Variants in ITGB2 observed in about 807,000 individuals in gnomAD.
ITGB2 encodes integrin subunit beta 2, also known as integrin beta-2.
In ITGB2, 56 loss-of-function variants were observed where a neutral mutation model predicts 86.8. The observed-to-expected ratio is 0.65, with a 90% confidence interval of 0.52 to 0.81. The LOEUF (loss-of-function observed/expected upper bound fraction) is 0.81. Among genes scored for constraint, ITGB2 ranks in the 30% least tolerant of loss-of-function variants. ITGB2 has a pLI of 0.00. For synonymous variants in ITGB2, 457 were observed against 450.4 expected, an observed-to-expected ratio of 1.01 and a Z score of -0.19; for missense variants, 948 against 1,061.2, an observed-to-expected ratio of 0.89 and a Z score of 1.48.
At position 44,888,751 on chromosome 21, in the gene ITGB2, G is replaced by T; in HGVS notation, c.2022C>A (p.Tyr674Ter). 1.2e-6 allele frequency: 2 copies of T among 1,611,840 alleles called. No homozygotes were observed. The highest frequency in any genetic ancestry group is 8.5e-7 in the Non-Finnish European group (1 of 1,179,980). ...CCATCCCGTCCTGCTGCTCCAGCGT[G>T]TAGGCCACCCAGCAGCCCTCTGAGT... ...ERDSEGCWVAYTLEQQDGMDR... is the reference protein window; with the variant it reads ...ERDSEGCWVA Residue 674 changes from tyrosine (Y) to a stop codon, truncating the protein, a stop_gained, in exon 14 of 16, where the codon TAC becomes TAA. Coordinates refer to ENST00000652462, the MANE Select transcript of ITGB2 (RefSeq NM_000211.5). LOFTEE classifies it high-confidence loss of function.
chr21:44,924,219 T>C (rs71322597), upstream of ITGB2, among the ~76,000 whole-genome samples: 1,354 of 151,744 alleles, frequency 8.9e-3, 9 homozygotes, highest in Non-Finnish European at 0.014. Context: ...CACCTGAGGT[T>C]AGGAGTTCAA....
At chr21:44,893,351 G>A in intron 10 of ITGB2, 53 bp downstream of exon 10, 2 of 1,604,034 alleles carry the variant, frequency 1.2e-6, no homozygotes, top group East Asian at 2.2e-5. Flanking sequence ...CCTTCTGGCT[G>A]TCCCCAGAGC....
intron 12 of ITGB2, 124 bp from the exon 13 acceptor site, chr21:44,889,619 C>G (rs1475769530): frequency 4.1e-6 from 4 of 981,662 alleles, no homozygotes; most frequent in Admixed American, 4.0e-5. Context: ...TGTTCCTGAG[C>G]AAAAGGCATG....
rs919569216 is a variant in ITGB2 at position 44,908,269 on chromosome 21, C to T, written c.148-1174G>A. 8.6e-6 allele frequency: 5 copies of T among 582,390 alleles called. No individual in the cohort carries two copies. In the African/African-American group the frequency reaches 9.3e-5, roughly 11 times the overall value. 36.1% of individuals were successfully genotyped at this position (582,390 alleles called of 1,614,324 possible). A position where few individuals can be genotyped will look rare whatever the true frequency, so the allele number is the denominator to read the frequency against. ...CTCCTGCTGCCCTCCCCTTCTTCTC[C>T]ACCCCCTCCCCTTCTCTAGTTTATA... On this transcript the variant is annotated intron_variant, in intron 3 of 15. Transcript: ENST00000652462.
intron 8 of ITGB2, among the ~76,000 whole-genome samples, chr21:44,898,807 T>A (rs1037062414): frequency 6.6e-6 from 1 of 152,192 alleles, no homozygotes; most frequent in Admixed American, 6.5e-5. Context: ...AACAGAAATA[T>A]CACCAATGCC....
At chr21:44,915,058 G>T (rs975932728) in intron 1 of ITGB2, among the ~76,000 whole-genome samples, 1 of 152,128 alleles carries the variant, frequency 6.6e-6, no homozygotes, top group Non-Finnish European at 1.5e-5. Flanking sequence ...ACGGAGTTGC[G>T]CTGTCACCGG....
intron 1 of ITGB2, among the ~76,000 whole-genome samples, chr21:44,918,488 G>A (rs9306118): frequency 0.44 from 67,690 of 152,132 alleles, 15,244 homozygotes; most frequent in Middle Eastern, 0.57. Context: ...GCTGGAGTGC[G>A]CACAATTGGC....
rs111697265 is a variant in ITGB2 at position 44,917,877 on chromosome 21, G to A, written c.-4+2944C>T. 6.4e-3 allele frequency among the ~76,000 whole-genome samples: 980 copies of A among 152,338 alleles called. 12 individuals carry two copies. The highest frequency in any genetic ancestry group is 0.028 in the South Asian group (133 of 4,826). On this transcript the variant is annotated intron_variant, in intron 1 of 15. Coordinates refer to ENST00000652462, the MANE Select transcript of ITGB2 (RefSeq NM_000211.5). Reference sequence around the variant, plus strand: ...CTGCACTCTCAGACCCTGAATGGCCGGAGAGAACACGCAGCCCGGGGTGGG... The same window carrying A: ...CTGCACTCTCAGACCCTGAATGGCCAGAGAGAACACGCAGCCCGGGGTGGG...
rs775929704 is a variant in ITGB2, at chr21:44,903,632, C to T, written c.329-97G>A. 2.8e-4 allele frequency: 402 copies of T among 1,422,836 alleles called. 1 individual carries two copies. The highest frequency in any genetic ancestry group is 9.8e-4 in the South Asian group (82 of 83,836). 88.1% of individuals were successfully genotyped at this position (1,422,836 alleles called of 1,614,324 possible). ...CGAGCGGGCTGTGCACTGGCACCCT[C>T]TCCTCCAGCCCCCAAATCCTCCTGA... On this transcript the variant is annotated intron_variant, in intron 4 of 15. Transcript: ENST00000652462.
chr21:44,904,143 T>C (rs968886305), intron 4 of ITGB2, among the ~76,000 whole-genome samples: 18 of 152,112 alleles, frequency 1.2e-4, no homozygotes, highest in African/African-American at 4.3e-4. Flanking sequence ...ATCATGTTAA[T>C]GAATGAGCAG....
upstream of ITGB2, among the ~76,000 whole-genome samples, chr21:44,925,774 G>A (rs1319066684): frequency 1.3e-5 from 2 of 152,144 alleles, no homozygotes; most frequent in South Asian, 2.1e-4. Context: ...ATGATCACAC[G>A]GAGCATTAAA....
At chr21:44,917,417 T>C (rs369002253) in intron 1 of ITGB2, among the ~76,000 whole-genome samples, 12 of 152,360 alleles carry the variant, frequency 7.9e-5, no homozygotes, top group African/African-American at 2.9e-4. Flanking sequence ...ACCCTTTTTG[T>C]GATAAATGAA....
In ITGB2 at chr21:44,889,638, A is replaced by G. The variant is rs2083756226; in HGVS notation, c.1658-143T>C. The G allele has an allele frequency of 5.7e-6, 5 of 882,232 alleles. No individual in the cohort carries two copies. The East Asian group carries it at 1.3e-4, about 23-fold the overall frequency. The allele number at this position is 882,232 out of a possible 1,614,324, so 54.7% of individuals were successfully genotyped here. On this transcript the variant is annotated intron_variant, in intron 12 of 15. Transcript: ENST00000652462. ...CCTGAGCAAAAGGCATGGGGCCACT[A>G]GCCAGGCCCTTCTGCCCCCGCCAGC...
chr21:44,902,743 C>T (rs985581603), intron 5 of ITGB2, among the ~76,000 whole-genome samples: 1 of 151,316 alleles, frequency 6.6e-6, no homozygotes, highest in Admixed American at 6.6e-5. Context: ...TGTGTGTGAG[C>T]GTGCATTCAC....
intron 1 of ITGB2, among the ~76,000 whole-genome samples, chr21:44,926,051 G>A (rs1481021445): frequency 6.6e-6 from 1 of 152,214 alleles, no homozygotes; most frequent in African/African-American, 2.4e-5. Context: ...CTTGCAGTGA[G>A]CCAAGATCGT....
At chr21:44,897,513 G>A (rs992239007) in intron 8 of ITGB2, among the ~76,000 whole-genome samples, 3 of 152,190 alleles carry the variant, frequency 2.0e-5, no homozygotes, top group African/African-American at 2.4e-5. Context: ...CCTTTAGGGC[G>A]GCTGCTCTGT....
intron 1 of ITGB2, among the ~76,000 whole-genome samples, chr21:44,913,271 G>T (rs899791765): frequency 2.6e-5 from 4 of 152,142 alleles, no homozygotes; most frequent in Non-Finnish European, 4.4e-5. Context: ...TCTCCCTGGG[G>T]CCGCAGACAT....
At chr21:44,925,730 T>C (rs937400315), upstream of ITGB2, among the ~76,000 whole-genome samples, 6 of 152,106 alleles carry the variant, frequency 3.9e-5, no homozygotes, top group Non-Finnish European at 7.4e-5. Context: ...AGATAACTAA[T>C]AGATGCCAAC....
At chr21:44,923,497 T>G (rs1968831539), upstream of ITGB2, among the ~76,000 whole-genome samples, 1 of 152,126 alleles carries the variant, frequency 6.6e-6, no homozygotes. Context: ...GGAGAGGTGT[T>G]GATACAACAA....
Sources: allele counts gnomAD v4.1 joint callset (sites outside exome capture counted in the v4.1 genomes callset), GRCh38; gene constraint gnomAD v4.1.1; transcripts MANE v1.5; gene names NCBI Gene and HGNC (gene_info 2026-07-23, HGNC 2026-07-21).